The following LDLRAD4 variants were observed in gnomAD, a reference collection of about 807,000 sequenced individuals.
LDLRAD4 encodes low-density lipoprotein receptor class A domain-containing protein 4.
In LDLRAD4, 5 loss-of-function variants were observed where a neutral mutation model predicts 17.0. That is an observed-to-expected ratio of 0.29 (90% CI 0.15 to 0.62). The LOEUF (loss-of-function observed/expected upper bound fraction) is 0.62, where lower values mean the gene tolerates loss of function less well. Among genes scored for constraint, LDLRAD4 ranks in the 20% least tolerant of loss-of-function variants. The pLI, the probability that LDLRAD4 is intolerant of heterozygous loss-of-function variation, is 0.84. For missense variants in LDLRAD4, 340 were observed against 424.7 expected (o/e 0.80, Z 1.75); for synonymous variants, 168 against 171.8 (o/e 0.98, Z 0.17).
At chr18:13,644,980 A>G in intron 5 of LDLRAD4, 147 bp from the exon 7 acceptor site, 3 of 665,260 alleles carry the variant, frequency 4.5e-6, no homozygotes, top group South Asian at 4.0e-5. Flanking sequence ...CTGGAATTGG[A>G]TTTTCCTGTT....
At chr18:13,232,865 C>T (rs564793300) in intron 1 of LDLRAD4, among the ~76,000 whole-genome samples, 127 of 152,278 alleles carry the variant, frequency 8.3e-4, no homozygotes, top group Non-Finnish European at 1.5e-3. Flanking sequence ...GCTCCGGACC[C>T]GAAGCTGGCA....
At chr18:13,261,910 G>C (rs1032270657) in intron 1 of LDLRAD4, among the ~76,000 whole-genome samples, 1 of 152,224 alleles carries the variant, frequency 6.6e-6, no homozygotes, top group Admixed American at 6.5e-5. Flanking sequence ...GGAGATGGGG[G>C]TGGAGCTGTG....
chr18:13,432,021 G>A (rs1025366376), intron 2 of LDLRAD4, among the ~76,000 whole-genome samples: 3 of 152,200 alleles, frequency 2.0e-5, no homozygotes, highest in Non-Finnish European at 4.4e-5. Context: ...CACCAGGTGA[G>A]GCATGAGCAC....
intron 2 of LDLRAD4, among the ~76,000 whole-genome samples, chr18:13,433,181 C>T (rs544993229): frequency 6.6e-5 from 10 of 152,304 alleles, no homozygotes; most frequent in South Asian, 4.1e-4. Context: ...TTGGCTTACA[C>T]GTCACTGGCA....
At chr18:13,478,025 C>T (rs1250657109) in intron 3 of LDLRAD4, among the ~76,000 whole-genome samples, 2 of 152,220 alleles carry the variant, frequency 1.3e-5, no homozygotes, top group South Asian at 4.1e-4. Flanking sequence ...CTTCCTGCTT[C>T]GGACCTACTT....
At chr18:13,424,617 G>T (rs1282800784) in intron 2 of LDLRAD4, among the ~76,000 whole-genome samples, 1 of 152,210 alleles carries the variant, frequency 6.6e-6, no homozygotes, top group East Asian at 1.9e-4. Flanking sequence ...CATGGAAGCG[G>T]TGGTACTCAG....
At position 13,341,178 on chromosome 18, in the gene LDLRAD4, T is replaced by C. The variant is rs375650938; in HGVS notation, c.-382-46163T>C. ...GGAATCGTGAGTCCTCCAGCTTTGTTTTTTTTTTCCCCCTAAAATTGTTTT... is the reference window on the plus strand; with the variant it reads ...GGAATCGTGAGTCCTCCAGCTTTGTCTTTTTTTTCCCCCTAAAATTGTTTT... On this transcript the variant is annotated intron_variant, in intron 1 of 5. Coordinates refer to ENST00000359446, the Ensembl canonical transcript of LDLRAD4. Among the ~76,000 whole-genome samples the C allele has an allele frequency of 1.1e-4, 17 of 151,682 alleles. No homozygotes were observed. In the East Asian group the frequency reaches 1.9e-3, roughly 17 times the overall value.
At chr18:13,400,264 A>G (rs1358583473) in intron 2 of LDLRAD4, among the ~76,000 whole-genome samples, 1 of 152,242 alleles carries the variant, frequency 6.6e-6, no homozygotes, top group African/African-American at 2.4e-5. Context: ...AGCGTGGGGT[A>G]AAAGAGAGGG....
At chr18:13,624,010 G>C (rs1312561268) in intron 4 of LDLRAD4, among the ~76,000 whole-genome samples, 2 of 152,180 alleles carry the variant, frequency 1.3e-5, no homozygotes, top group East Asian at 3.9e-4. Context: ...GCATCATAAG[G>C]GGGAATCCTA....
chr18:13,413,901 TAAA>T, intron 2 of LDLRAD4, among the ~76,000 whole-genome samples: 1 of 149,432 alleles, frequency 6.7e-6, no homozygotes, highest in South Asian at 2.1e-4. Context: ...CTCCAGAAAT[TAAA>T]AAAAAAAAAT....
intron 2 of LDLRAD4, among the ~76,000 whole-genome samples, chr18:13,430,471 G>A (rs1218164298): frequency 6.6e-6 from 1 of 152,240 alleles, no homozygotes; most frequent in East Asian, 1.9e-4. Flanking sequence ...CCTCAGCAAG[G>A]CATACAAGGC....
chr18:13,649,099 A>AT (rs1431329619), exon 6 of LDLRAD4: 3 of 152,180 alleles, frequency 2.0e-5, no homozygotes, highest in Non-Finnish European at 4.4e-5. Context: ...TTTTTAAAAG[A>AT]TTTATCGTGA....
At chr18:13,232,158 T>G (rs2042110477) in intron 1 of LDLRAD4, among the ~76,000 whole-genome samples, 1 of 152,230 alleles carries the variant, frequency 6.6e-6, no homozygotes, top group Non-Finnish European at 1.5e-5. Flanking sequence ...CGGTGCAGGC[T>G]GGGGCCACCG....
At chr18:13,533,298 A>G (rs774908390) in intron 3 of LDLRAD4, among the ~76,000 whole-genome samples, 41 of 152,208 alleles carry the variant, frequency 2.7e-4, no homozygotes, top group Non-Finnish European at 5.1e-4. Context: ...CTGGTCCCCA[A>G]CTACTGTCAA....
intron 3 of LDLRAD4, among the ~76,000 whole-genome samples, chr18:13,573,324 C>T (rs917792667): frequency 2.0e-5 from 3 of 151,154 alleles, no homozygotes; most frequent in Non-Finnish European, 2.9e-5. Context: ...AGGGTGGTCT[C>T]GAACTCCTGG....
intron 1 of LDLRAD4, among the ~76,000 whole-genome samples, chr18:13,271,120 G>C (rs575406347): frequency 4.6e-5 from 7 of 152,324 alleles, no homozygotes; most frequent in Admixed American, 1.3e-4. Context: ...ACATACACCA[G>C]TGAGCAGTAA....
In LDLRAD4 at chr18:13,436,172, T is replaced by C. The variant is rs12604285; in HGVS notation, c.41-2072T>C. Among the ~76,000 whole-genome samples the C allele has an allele frequency of 1.6e-3, 244 of 152,352 alleles. 8 individuals are homozygous for C. In the East Asian group the frequency reaches 0.044, roughly 28 times the overall value. On this transcript the variant is annotated intron_variant, in intron 2 of 5. Coordinates refer to ENST00000359446, the Ensembl canonical transcript of LDLRAD4. ...TTGGAAGGAGCAGCAAATTAGTCACTGCTCATATTTTTAAAATAGTTCATG... is the reference window on the plus strand; with the variant it reads ...TTGGAAGGAGCAGCAAATTAGTCACCGCTCATATTTTTAAAATAGTTCATG...
chr18:13,496,533 G>A (rs1463549386), intron 3 of LDLRAD4, among the ~76,000 whole-genome samples: 3 of 152,182 alleles, frequency 2.0e-5, no homozygotes, highest in East Asian at 1.9e-4. Flanking sequence ...GAGGAAGAAC[G>A]GAGGAGATCG....
intron 2 of LDLRAD4, among the ~76,000 whole-genome samples, chr18:13,400,707 A>AT (rs1300671366): frequency 2.6e-5 from 4 of 152,218 alleles, no homozygotes; most frequent in Non-Finnish European, 5.9e-5. Flanking sequence ...TCTCTCGCAC[A>AT]TTCTTTCAAA....
Sources: gnomAD v4.1 joint callset for allele counts (sites outside exome capture counted in the v4.1 genomes callset) on GRCh38, gnomAD v4.1.1 for gene constraint, MANE v1.5 for transcripts, NCBI Gene and HGNC (gene_info 2026-07-23, HGNC 2026-07-21) for gene names.